The following NKAIN2 variants were observed in gnomAD, a reference collection of about 807,000 sequenced individuals.
NKAIN2 encodes sodium/potassium transporting ATPase interacting 2, also known as sodium/potassium-transporting ATPase subunit beta-1-interacting protein 2.
NKAIN2 carries 14 observed loss-of-function variants against 32.6 expected under a neutral mutation model. That is an observed-to-expected ratio of 0.43 (90% CI 0.28 to 0.67). The LOEUF is 0.67. Among genes scored for constraint, NKAIN2 ranks in the 30% least tolerant of loss-of-function variants. The probability of loss-of-function intolerance (pLI) is 0.17; values close to 1 mark genes in which losing one functional copy is unlikely to be tolerated. For synonymous variants in NKAIN2, 80 were observed against 87.2 expected (o/e 0.92, Z 0.46); for missense variants, 198 against 258.3 (o/e 0.77, Z 1.60).
In NKAIN2 at chr6:124,026,203, C is replaced by G. The variant is rs147716766; in HGVS notation, c.54+221949C>G. ...TTGAAGGTTCCTGTGTTATGTAAAACTTTTTAAAAATGAATTTGCCATGCT... is the reference window on the plus strand; with the variant it reads ...TTGAAGGTTCCTGTGTTATGTAAAAGTTTTTAAAAATGAATTTGCCATGCT... On this transcript the variant is annotated intron_variant, in intron 1 of 6. Coordinates refer to ENST00000368417, the MANE Select transcript of NKAIN2 (RefSeq NM_001040214.3). 4.5e-4 allele frequency among the ~76,000 whole-genome samples: 69 copies of G among 152,204 alleles called. No homozygotes were observed. The East Asian group carries it at 7.7e-3, about 17-fold the overall frequency.
chr6:123,978,267 A>G (rs1778732458), intron 1 of NKAIN2, among the ~76,000 whole-genome samples: 3 of 152,200 alleles, frequency 2.0e-5, no homozygotes, highest in Non-Finnish European at 4.4e-5. Flanking sequence ...ATGCTGGACT[A>G]CAAAGAATTT....
intron 1 of NKAIN2, among the ~76,000 whole-genome samples, chr6:124,221,692 A>C (rs1791836379): frequency 6.6e-6 from 1 of 152,200 alleles, no homozygotes; most frequent in South Asian, 2.1e-4. Context: ...GAATTTCATG[A>C]ACCCCAATTC....
intron 1 of NKAIN2, among the ~76,000 whole-genome samples, chr6:124,117,488 A>G (rs1349696696): frequency 2.6e-5 from 4 of 152,168 alleles, no homozygotes; most frequent in Non-Finnish European, 4.4e-5. Flanking sequence ...GTATAATTCC[A>G]TATTGGCATC....
intron 1 of NKAIN2, among the ~76,000 whole-genome samples, chr6:124,070,267 C>T (rs1044292631): frequency 3.3e-5 from 5 of 152,138 alleles, no homozygotes; most frequent in Non-Finnish European, 7.4e-5. Flanking sequence ...TCCAGACTGT[C>T]GCCTCTATTC....
In NKAIN2 at chr6:124,005,676, A is replaced by G. The variant is rs1780047246; in HGVS notation, c.54+201422A>G. On this transcript the variant is annotated intron_variant, in intron 1 of 6. Transcript: ENST00000368417. ...ACAGATCTGTATGTTTCTATTGCTA[A>G]CTCCAACCATTTGTTTCCTTGAAGG... is the stretch of plus-strand genomic sequence containing the variant. Among the ~76,000 whole-genome samples the G allele has an allele frequency of 2.0e-5, 3 of 152,286 alleles. No individual in the cohort carries two copies. In the South Asian group the frequency reaches 6.2e-4, roughly 32 times the overall value.
intron 3 of NKAIN2, among the ~76,000 whole-genome samples, chr6:124,364,237 C>CAAA (rs1554288849): frequency 3.3e-4 from 15 of 45,094 alleles, no homozygotes; most frequent in African/African-American, 8.3e-4. Flanking sequence ...TTAAAAATAC[C>CAAA]AAAAAAAAAA....
chr6:124,359,900 G>T lies in NKAIN2; in HGVS notation c.273+4553G>T, dbSNP rs535762041. Among the ~76,000 whole-genome samples the T allele has an allele frequency of 2.0e-5, 3 of 152,246 alleles. No homozygotes were observed. In the South Asian group the frequency reaches 6.2e-4, roughly 32 times the overall value. On this transcript the variant is annotated intron_variant, in intron 3 of 6. Coordinates refer to ENST00000368417, the MANE Select transcript of NKAIN2 (RefSeq NM_001040214.3). ...TTTTTGCCCATTCAGTATGATATTG[G>T]CTGTGGTTTTGTCATAGATAACTCT...
At chr6:123,852,725 G>A (rs991431487) in intron 1 of NKAIN2, among the ~76,000 whole-genome samples, 2 of 152,140 alleles carry the variant, frequency 1.3e-5, no homozygotes, top group African/African-American at 4.8e-5. Context: ...AGAACATTAT[G>A]TTATGTAAAA....
intron 4 of NKAIN2, among the ~76,000 whole-genome samples, chr6:124,687,956 ATTC>A (rs1237727684): frequency 2.6e-5 from 4 of 151,578 alleles, no homozygotes; most frequent in Non-Finnish European, 5.9e-5. Flanking sequence ...TCACTGATTA[ATTC>A]TTCTTCATTT....
intron 1 of NKAIN2, among the ~76,000 whole-genome samples, chr6:124,214,770 G>C (rs1791381391): frequency 6.6e-6 from 1 of 152,106 alleles, no homozygotes; most frequent in South Asian, 2.1e-4. Flanking sequence ...TCAGGGTGGG[G>C]AATACATTTT....
At chr6:123,831,008 A>G (rs934836112) in intron 1 of NKAIN2, among the ~76,000 whole-genome samples, 1 of 152,216 alleles carries the variant, frequency 6.6e-6, no homozygotes, top group African/African-American at 2.4e-5. Context: ...TGTAAGTTGC[A>G]TATTTAAGGT....
At chr6:124,171,505 T>A (rs1313000936) in intron 1 of NKAIN2, among the ~76,000 whole-genome samples, 4 of 150,566 alleles carry the variant, frequency 2.7e-5, no homozygotes, top group African/African-American at 9.7e-5. Flanking sequence ...ATATTACTAA[T>A]CATAAAACAA....
At chr6:124,185,194 A>G (rs552019999) in intron 1 of NKAIN2, among the ~76,000 whole-genome samples, 2 of 152,244 alleles carry the variant, frequency 1.3e-5, no homozygotes, top group Admixed American at 6.5e-5. Context: ...ACTCTTTCAT[A>G]TTATGAAACT....
At chr6:124,148,414 C>G (rs532541297) in intron 1 of NKAIN2, among the ~76,000 whole-genome samples, 1 of 152,064 alleles carries the variant, frequency 6.6e-6, no homozygotes, top group East Asian at 1.9e-4. Context: ...TATCTCCCCC[C>G]CGACCAACCC....
At chr6:124,236,533 A>G (rs1792773446) in intron 1 of NKAIN2, among the ~76,000 whole-genome samples, 1 of 152,152 alleles carries the variant, frequency 6.6e-6, no homozygotes, top group Non-Finnish European at 1.5e-5. Context: ...TGTTTCTAGA[A>G]TGAAGGATGT....
chr6:124,736,116 C>T (rs1229658758), intron 4 of NKAIN2, among the ~76,000 whole-genome samples: 3 of 151,912 alleles, frequency 2.0e-5, no homozygotes, highest in Non-Finnish European at 2.9e-5. Context: ...AAAAATGCTA[C>T]TCCAATAAAC....
At chr6:124,374,789 G>T (rs1379093505) in intron 3 of NKAIN2, among the ~76,000 whole-genome samples, 3 of 152,044 alleles carry the variant, frequency 2.0e-5, no homozygotes, top group Admixed American at 1.3e-4. Flanking sequence ...AACAGTAAGA[G>T]AATAGTTATA....
intron 3 of NKAIN2, among the ~76,000 whole-genome samples, chr6:124,526,186 G>A (rs1455259456): frequency 6.6e-6 from 1 of 152,072 alleles, no homozygotes; most frequent in Non-Finnish European, 1.5e-5. Context: ...AACAAAAGAA[G>A]CTGGAATAGA....
intron 1 of NKAIN2, among the ~76,000 whole-genome samples, chr6:124,171,547 ATTTTTTTTT>A (rs10665262): frequency 1.0e-5 from 1 of 96,470 alleles, no homozygotes; most frequent in Non-Finnish European, 1.9e-5. Flanking sequence ...GGCCGATTTG[ATTTTTTTTT>A]TTTTTTTTTT....
Sources: gnomAD v4.1 joint callset for allele counts (sites outside exome capture counted in the v4.1 genomes callset) on GRCh38, gnomAD v4.1.1 for gene constraint, MANE v1.5 for transcripts, NCBI Gene and HGNC (gene_info 2026-07-23, HGNC 2026-07-21) for gene names.